PTPRQ: variants seen among roughly 807,000 people sequenced by gnomAD.
PTPRQ encodes phosphatidylinositol phosphatase PTPRQ.
A neutral mutation model predicts 246.0 loss-of-function variants in PTPRQ; 199 were observed. That is an observed-to-expected ratio of 0.81 (90% confidence interval 0.72 to 0.91). The LOEUF (loss-of-function observed/expected upper bound fraction) is 0.91, where lower values mean the gene tolerates loss of function less well. Among genes scored for constraint, PTPRQ ranks in the 40% least tolerant of loss-of-function variants. The pLI is 0.00. For synonymous variants in PTPRQ, 869 were observed against 853.2 expected (o/e 1.02, Z -0.32); for missense variants, 2,624 against 2,528.4 (o/e 1.04, Z -0.81).
intron 26 of PTPRQ, among the ~76,000 whole-genome samples, chr12:80,592,998 C>T (rs879626903): frequency 1.3e-5 from 2 of 152,000 alleles, no homozygotes; most frequent in East Asian, 1.9e-4. Flanking sequence ...GTTACAAAGC[C>T]AGACTCCATC....
chr12:80,593,243 A>G (rs1457877006), intron 26 of PTPRQ, among the ~76,000 whole-genome samples: 1 of 152,188 alleles, frequency 6.6e-6, no homozygotes, highest in African/African-American at 2.4e-5. Context: ...GGGTAGTTTG[A>G]AATCAAATTG....
At chr12:80,542,506 T>A (rs1349156270) in intron 22 of PTPRQ, 142 bp downstream of exon 22, 2 of 1,337,604 alleles carry the variant, frequency 1.5e-6, no homozygotes, top group African/African-American at 3.0e-5. Flanking sequence ...TTGTTGATTT[T>A]TTTTTGCAAT....
At chr12:80,472,277 T>G (rs1311969791) in intron 8 of PTPRQ, 26 bp downstream of exon 8, 5 of 1,549,218 alleles carry the variant, frequency 3.2e-6, no homozygotes, top group Non-Finnish European at 4.4e-6. Context: ...ATGAGTGAGA[T>G]ATTTTTGGTA....
intron 9 of PTPRQ, among the ~76,000 whole-genome samples, chr12:80,488,290 T>C (rs1894342729): frequency 1.3e-5 from 2 of 151,720 alleles, no homozygotes; most frequent in African/African-American, 2.4e-5. Flanking sequence ...CAACAGGAGG[T>C]GGGTATAGTG....
intron 25 of PTPRQ, among the ~76,000 whole-genome samples, chr12:80,585,743 A>G (rs990437368): frequency 2.1e-5 from 3 of 145,858 alleles, no homozygotes; most frequent in Non-Finnish European, 3.0e-5. Flanking sequence ...TTTTTTTTTT[A>G]TTATTATACT....
chr12:80,561,765 G>C (rs1345102614), intron 25 of PTPRQ, among the ~76,000 whole-genome samples: 1 of 151,982 alleles, frequency 6.6e-6, no homozygotes, highest in Non-Finnish European at 1.5e-5. Flanking sequence ...TTTCTCATCT[G>C]TATGCCTTTT....
chr12:80,577,366 G>A (rs540664145), intron 25 of PTPRQ, among the ~76,000 whole-genome samples: 14 of 152,240 alleles, frequency 9.2e-5, no homozygotes, highest in African/African-American at 3.4e-4. Flanking sequence ...TTGAAGGGGC[G>A]AGCCCCTTAT....
chr12:80,484,716 T>G, intron 9 of PTPRQ, 111 bp downstream of exon 9: 1 of 1,313,336 alleles, frequency 7.6e-7, no homozygotes, highest in Non-Finnish European at 1.0e-6. Context: ...CACTTACTAG[T>G]ACAAAGTAAA....
intron 26 of PTPRQ, among the ~76,000 whole-genome samples, chr12:80,590,511 A>C (rs1792114259): frequency 6.6e-6 from 1 of 151,772 alleles, no homozygotes; most frequent in African/African-American, 2.4e-5. Context: ...ACTAAAAAAT[A>C]CAAAAAATTA....
chr12:80,656,477 C>T (rs1486147075), intron 38 of PTPRQ, among the ~76,000 whole-genome samples: 1 of 152,042 alleles, frequency 6.6e-6, no homozygotes, highest in Non-Finnish European at 1.5e-5. Context: ...CATTTTTCCT[C>T]CTTGAAAACA....
Position 80,527,793 on chromosome 12 carries a change from G to A in PTPRQ, c.2679-6222G>A, listed in dbSNP as rs753731343. On this transcript the variant is annotated intron_variant, in intron 17 of 44. Coordinates refer to ENST00000644991, the MANE Select transcript of PTPRQ (RefSeq NM_001145026.2). ...TTGATCCCAGGAGTCTGAGACCAGC[G>A]TGGGCACCATAACTACAGATATCTA... Among the ~76,000 whole-genome samples the A allele has an allele frequency of 4.0e-5, 6 of 150,990 alleles. No homozygotes were observed. In the South Asian group the frequency reaches 8.4e-4, roughly 21 times the overall value.
At chr12:80,482,583 C>G (rs1009455211) in intron 8 of PTPRQ, among the ~76,000 whole-genome samples, 1 of 150,456 alleles carries the variant, frequency 6.6e-6, no homozygotes, top group Non-Finnish European at 1.5e-5. Context: ...TCAGAGCGAA[C>G]AGGCAACCTA....
At chr12:80,537,488 A>G (rs896586404) in intron 19 of PTPRQ, among the ~76,000 whole-genome samples, 1 of 152,206 alleles carries the variant, frequency 6.6e-6, no homozygotes, top group Admixed American at 6.5e-5. Flanking sequence ...TTATTTTTTC[A>G]TCTCCAAAAG....
chr12:80,651,769 A>G (rs571268569), intron 37 of PTPRQ, among the ~76,000 whole-genome samples: 41 of 152,162 alleles, frequency 2.7e-4, no homozygotes, highest in Admixed American at 7.2e-4. Context: ...TATTTCCAAA[A>G]CTTTGACACA....
intron 3 of PTPRQ, among the ~76,000 whole-genome samples, chr12:80,450,492 C>T (rs7963809): frequency 0.052 from 7,853 of 152,154 alleles, 677 homozygotes; most frequent in African/African-American, 0.18. Flanking sequence ...TTTGCCCATT[C>T]AGTATGATAT....
At position 80,627,856 on chromosome 12, in the gene PTPRQ, T is replaced by C. The variant is rs751258814; in HGVS notation, c.5687-4336T>C. 3.3e-5 allele frequency among the ~76,000 whole-genome samples: 5 copies of C among 152,148 alleles called. No homozygotes were observed. The East Asian group carries it at 7.7e-4, about 23-fold the overall frequency. On this transcript the variant is annotated intron_variant, in intron 33 of 44. Coordinates refer to ENST00000644991, the MANE Select transcript of PTPRQ (RefSeq NM_001145026.2). ...CTACTGTTAATGCTCTGTGGGTCCA[T>C]GCATAACAGTGAATCAGAAAGTGTA... is the stretch of plus-strand genomic sequence containing the variant.
Position 80,678,987 on chromosome 12 carries a change from T to G in PTPRQ, c.6864T>G (p.Gly2288=), listed in dbSNP as rs1298670015. 6.5e-7 allele frequency: 1 copy of G among 1,546,386 alleles called. No homozygotes were observed. Among genetic ancestry groups the G allele is most frequent in the African/African-American group, 1.4e-5 (1 of 72,880 alleles). ...QKMDSLDAME[G]DVELEWEETT... is the part of the protein sequence containing the mutation. ...GTAACATGTTACTTTCTGTTATAGG[T>G]GATGTTGAGCTTGAATGGGAAGAAA... The change falls in exon 45 of 45, where the codon GGT becomes GGG. Residue 2288 remains glycine, a splice_region_variant and synonymous_variant. Transcript: ENST00000644991.
chr12:80,679,002 A>G lies in PTPRQ; in HGVS notation c.6879A>G (p.Glu2293=). 6.5e-7 allele frequency: 1 copy of G among 1,547,782 alleles called. No homozygotes were observed. Among genetic ancestry groups the G allele is most frequent in the South Asian group, 1.2e-5 (1 of 83,300 alleles). ...LDAMEGDVEL[E]WEETTM ...CTGTTATAGGTGATGTTGAGCTTGA[A>G]TGGGAAGAAACCACTATGTAAATAT... is the stretch of plus-strand genomic sequence containing the variant. Residue 2293 remains glutamate (E), a synonymous_variant, in exon 45 of 45, where the codon GAA becomes GAG. Transcript: ENST00000644991.
At position 80,605,525 on chromosome 12, in the gene PTPRQ, A is replaced by G. The variant is rs538039644; in HGVS notation, c.4731+345A>G. ...CACACATACAAGTGGTTAAATTGGT[A>G]GTAATACAAATATCTGGTTTACAGT... On this transcript the variant is annotated intron_variant, in intron 27 of 44. Transcript: ENST00000644991. Among the ~76,000 whole-genome samples, 13 of 151,422 alleles carry G rather than the reference A, an allele frequency of 8.6e-5. No individual in the cohort carries two copies. The East Asian group carries it at 2.3e-3, about 27-fold the overall frequency.
Sources: allele counts gnomAD v4.1 joint callset (sites outside exome capture counted in the v4.1 genomes callset), GRCh38; gene constraint gnomAD v4.1.1; transcripts MANE v1.5; gene names NCBI Gene and HGNC (gene_info 2026-07-23, HGNC 2026-07-21).